Variants in ZMIZ1 observed in about 807,000 individuals in gnomAD.
ZMIZ1 encodes the protein zinc finger MIZ-type containing 1.
Under a neutral mutation model 113.9 loss-of-function variants are expected in ZMIZ1, and 17 were observed. The observed-to-expected ratio is 0.15, with a 90% confidence interval of 0.10 to 0.22. ZMIZ1 has a LOEUF of 0.22. Ranked by LOEUF, ZMIZ1 falls within the 10% of genes least tolerant of loss-of-function variation. The probability of loss-of-function intolerance (pLI) is 1.00; values close to 1 mark genes in which losing one functional copy is unlikely to be tolerated. For missense variants in ZMIZ1, 1,059 were observed against 1,477.8 expected (o/e 0.72, Z 4.65); for synonymous variants, 607 against 603.1 (o/e 1.01, Z -0.09).
At chr10:79,169,752 A>C (rs1846521633) in intron 4 of ZMIZ1, among the ~76,000 whole-genome samples, 2 of 152,286 alleles carry the variant, frequency 1.3e-5, no homozygotes, top group Admixed American at 6.5e-5. Flanking sequence ...TTCATCTTCA[A>C]CTCACCTGTT....
chr10:79,296,831 G>A lies in ZMIZ1; in HGVS notation c.1413+178G>A, dbSNP rs1853929648. 1 of 484,814 alleles carries A rather than the reference G, an allele frequency of 2.1e-6. No homozygotes were observed. Among genetic ancestry groups the A allele is most frequent in the Non-Finnish European group, 3.5e-6 (1 of 286,722 alleles). 30.0% of individuals were successfully genotyped at this position (484,814 alleles called of 1,614,324 possible). A position where few individuals can be genotyped will look rare whatever the true frequency, so the allele number is the denominator to read the frequency against. On this transcript the variant is annotated intron_variant, in intron 13 of 24. Coordinates refer to ENST00000334512, the MANE Select transcript of ZMIZ1 (RefSeq NM_020338.4). The surrounding 1 kb of genome is among the most constrained non-coding windows in gnomAD (Gnocchi z 4.1). ...GAAGTTCGGTGGCCAGAATGTCAGA[G>A]TGGCTTTTCTCAGTTCCTATTCTCA...
intron 7 of ZMIZ1, among the ~76,000 whole-genome samples, chr10:79,263,309 C>CA (rs1851380336): frequency 6.6e-6 from 1 of 152,172 alleles, no homozygotes; most frequent in South Asian, 2.1e-4. Flanking sequence ...TTTCTTGCAT[C>CA]AGGAACCTGA....
intron 7 of ZMIZ1, among the ~76,000 whole-genome samples, chr10:79,259,152 C>T (rs537384155): frequency 4.6e-5 from 7 of 152,272 alleles, no homozygotes; most frequent in South Asian, 4.1e-4. Context: ...GTTGCCCTGT[C>T]GAGCCAAACT....
intron 7 of ZMIZ1, among the ~76,000 whole-genome samples, chr10:79,218,824 T>G (rs1848845259): frequency 6.6e-6 from 1 of 152,108 alleles, no homozygotes; most frequent in Non-Finnish European, 1.5e-5. Flanking sequence ...AAGGGGAGCA[T>G]GCACGGCTTT....
chr10:79,093,682 C>T (rs2061647677), intron 1 of ZMIZ1, among the ~76,000 whole-genome samples: 1 of 152,162 alleles, frequency 6.6e-6, no homozygotes, highest in African/African-American at 2.4e-5. Context: ...ATTAGGGCCA[C>T]AGAGCCAGAA....
intron 7 of ZMIZ1, among the ~76,000 whole-genome samples, chr10:79,222,936 A>G (rs779240799): frequency 3.3e-5 from 5 of 152,166 alleles, no homozygotes; most frequent in African/African-American, 4.8e-5. Context: ...GTCATAAACC[A>G]CTGTTTCAAC....
intron 7 of ZMIZ1, among the ~76,000 whole-genome samples, chr10:79,242,808 C>T (rs1051094180): frequency 6.6e-6 from 1 of 152,088 alleles, no homozygotes; most frequent in Non-Finnish European, 1.5e-5. Context: ...GCCGCCCCCG[C>T]CCGGAGGCTG....
intron 7 of ZMIZ1, among the ~76,000 whole-genome samples, chr10:79,228,327 A>C (rs1213517553): frequency 1.3e-5 from 2 of 152,354 alleles, no homozygotes; most frequent in African/African-American, 4.8e-5. Flanking sequence ...GAGTGAAGAC[A>C]TGGCTCTGAG....
intron 3 of ZMIZ1, among the ~76,000 whole-genome samples, chr10:79,149,278 G>A (rs1327142038): frequency 3.3e-5 from 5 of 152,178 alleles, no homozygotes; most frequent in African/African-American, 9.7e-5. Flanking sequence ...GTGGGCTGTC[G>A]GCCAGCTGGA....
chr10:79,248,082 C>T (rs1186153370), intron 7 of ZMIZ1, among the ~76,000 whole-genome samples: 3 of 152,160 alleles, frequency 2.0e-5, no homozygotes, highest in Non-Finnish European at 4.4e-5. Flanking sequence ...TCTTTGGGTG[C>T]CACCACCCGC....
At chr10:79,140,762 A>G (rs1832665171) in intron 3 of ZMIZ1, among the ~76,000 whole-genome samples, 2 of 151,986 alleles carry the variant, frequency 1.3e-5, no homozygotes, top group Admixed American at 1.3e-4. Flanking sequence ...CCAGGCCCGC[A>G]TTAAGGGCTG....
chr10:79,220,438 G>C (rs1195766710), intron 7 of ZMIZ1, among the ~76,000 whole-genome samples: 1 of 152,088 alleles, frequency 6.6e-6, no homozygotes, highest in Non-Finnish European at 1.5e-5. Flanking sequence ...CACAGCCCCG[G>C]TGTGCCTGTG....
chr10:79,077,514 C>G (rs1262502822), intron 1 of ZMIZ1, among the ~76,000 whole-genome samples: 1 of 151,788 alleles, frequency 6.6e-6, no homozygotes, highest in African/African-American at 2.4e-5. Context: ...GGTTTTCCAT[C>G]GAAAAATGGT....
chr10:79,089,465 A>T (rs866796904), intron 1 of ZMIZ1, among the ~76,000 whole-genome samples: 3 of 152,130 alleles, frequency 2.0e-5, no homozygotes, highest in Admixed American at 6.5e-5. Context: ...GGTCTGGTAC[A>T]ATTGAAGTCT....
At chr10:79,130,261 T>C (rs903635044) in intron 2 of ZMIZ1, among the ~76,000 whole-genome samples, 1 of 152,192 alleles carries the variant, frequency 6.6e-6, no homozygotes, top group Non-Finnish European at 1.5e-5. Flanking sequence ...TTAAGGCCCT[T>C]ACTGAGCTCA....
intron 2 of ZMIZ1, among the ~76,000 whole-genome samples, chr10:79,136,800 CTTA>C (rs1291669181): frequency 1.3e-5 from 2 of 152,214 alleles, no homozygotes; most frequent in African/African-American, 4.8e-5. Context: ...TTTCATCACT[CTTA>C]TTATGATTAG....
chr10:79,243,677 G>T (rs1850011227), intron 7 of ZMIZ1: 1 of 304,090 alleles, frequency 3.3e-6, no homozygotes, highest in Admixed American at 4.9e-5. Flanking sequence ...CGCGGCCGCC[G>T]CCGGCCGGGC....
At chr10:79,228,139 G>T (rs1339925843) in intron 7 of ZMIZ1, among the ~76,000 whole-genome samples, 2 of 152,372 alleles carry the variant, frequency 1.3e-5, no homozygotes, top group South Asian at 4.1e-4. Flanking sequence ...AGGAGGAAGA[G>T]AAAGTAACAT....
At chr10:79,111,180 TC>T (rs1264051833) in intron 1 of ZMIZ1, among the ~76,000 whole-genome samples, 1 of 152,062 alleles carries the variant, frequency 6.6e-6, no homozygotes, top group Non-Finnish European at 1.5e-5. Context: ...AATGTCCCCA[TC>T]CTAGCAGGGG....
Sources: allele counts gnomAD v4.1 joint callset (sites outside exome capture counted in the v4.1 genomes callset), GRCh38; gene constraint gnomAD v4.1.1; non-coding constraint Gnocchi (gnomAD v3.1); transcripts MANE v1.5; gene names NCBI Gene and HGNC (gene_info 2026-07-23, HGNC 2026-07-21).